The following OSBPL6 variants were observed in gnomAD, a reference collection of about 807,000 sequenced individuals.
OSBPL6 encodes oxysterol-binding protein-related protein 6.
In OSBPL6, 49 loss-of-function variants were observed where a neutral mutation model predicts 125.8. The ratio of observed to expected loss-of-function variants is 0.39; its 90% CI spans 0.31 to 0.49. OSBPL6 has a LOEUF of 0.49. OSBPL6 is among the 20% of genes least tolerant of loss of function. The probability of loss-of-function intolerance (pLI) is 0.88; values close to 1 mark genes in which losing one functional copy is unlikely to be tolerated. For missense variants in OSBPL6, 986 were observed against 1,135.4 expected (o/e 0.87, Z 1.89); for synonymous variants, 394 against 391.8 (o/e 1.01, Z -0.07).
At chr2:178,226,694 C>G (rs894897390) in intron 1 of OSBPL6, among the ~76,000 whole-genome samples, 1 of 152,090 alleles carries the variant, frequency 6.6e-6, no homozygotes, top group East Asian at 1.9e-4. Flanking sequence ...CTGCTTCATA[C>G]TATATACAAA....
rs540269327 is a variant in OSBPL6, at chr2:178,235,398, C to CTTTTTTTTTT, written c.-351+40741_-351+40750dup. Among the ~76,000 whole-genome samples, 593 of 78,022 alleles carry CTTTTTTTTTT rather than the reference C, an allele frequency of 7.6e-3. 10 individuals are homozygous for CTTTTTTTTTT. The highest frequency in any genetic ancestry group is 0.012 in the Non-Finnish European group (479 of 40,888). The allele number at this position is 78,022 out of a possible 152,430, so 51.2% of individuals were successfully genotyped here. On this transcript the variant is annotated intron_variant, in intron 1 of 24. Transcript: ENST00000190611. ...CTTTCTTTCCTTTTTCTTTTCTTTTCTTTTTTTTTTTTTTTTTTTTTTTTT... is the reference window on the plus strand; with the variant it reads ...CTTTCTTTCCTTTTTCTTTTCTTTTCTTTTTTTTTTTTTTTTTTTTTTTTTTTTTTTTTTT...
chr2:178,372,375 T>C (rs575966591), intron 14 of OSBPL6, 142 bp downstream of exon 14: 3 of 567,608 alleles, frequency 5.3e-6, no homozygotes, highest in East Asian at 6.1e-5. Flanking sequence ...AGTTCAGTGT[T>C]CTTTGAAGTA....
At chr2:178,380,744 A>G (rs1694396982) in intron 15 of OSBPL6, among the ~76,000 whole-genome samples, 1 of 152,186 alleles carries the variant, frequency 6.6e-6, no homozygotes, top group African/African-American at 2.4e-5. Context: ...ATTGTCTATA[A>G]TAATAAAATG....
intron 1 of OSBPL6, among the ~76,000 whole-genome samples, chr2:178,242,246 T>C (rs2091321165): frequency 6.6e-6 from 1 of 152,336 alleles, no homozygotes; most frequent in South Asian, 2.1e-4. Context: ...GCCTTTTATT[T>C]TTCCCCCTTA....
intron 1 of OSBPL6, among the ~76,000 whole-genome samples, chr2:178,205,320 G>A (rs186874226): frequency 3.0e-4 from 46 of 152,242 alleles, no homozygotes; most frequent in Admixed American, 3.3e-4. Flanking sequence ...AAGCTTCAGC[G>A]GCCTTCAGTT....
intron 11 of OSBPL6, chr2:178,344,136 C>T (rs967220694): frequency 2.5e-5 from 16 of 633,424 alleles, no homozygotes; most frequent in South Asian, 2.0e-4. Context: ...CATGAACTCC[C>T]CTGTGAGCGC....
At chr2:178,341,055 C>T (rs1194502465) in intron 11 of OSBPL6, among the ~76,000 whole-genome samples, 2 of 152,108 alleles carry the variant, frequency 1.3e-5, no homozygotes, top group African/African-American at 4.8e-5. Flanking sequence ...TTGCTTTTGG[C>T]AGTTTTATTG....
At chr2:178,285,528 T>A (rs191115223) in intron 2 of OSBPL6, among the ~76,000 whole-genome samples, 3 of 152,308 alleles carry the variant, frequency 2.0e-5, no homozygotes, top group Admixed American at 2.0e-4. Flanking sequence ...ATGCATCCAG[T>A]TTTTATAATC....
At chr2:178,216,406 T>C (rs2090094828) in intron 1 of OSBPL6, among the ~76,000 whole-genome samples, 1 of 152,178 alleles carries the variant, frequency 6.6e-6, no homozygotes, top group South Asian at 2.1e-4. Flanking sequence ...CTGGGAAAAC[T>C]AGAGTGTCAA....
intron 1 of OSBPL6, among the ~76,000 whole-genome samples, chr2:178,222,893 A>T (rs1450086629): frequency 2.0e-5 from 3 of 152,172 alleles, no homozygotes; most frequent in Non-Finnish European, 4.4e-5. Context: ...TAAATCATTT[A>T]TTATATTTAT....
chr2:178,375,473 A>C (rs558501380), intron 15 of OSBPL6, among the ~76,000 whole-genome samples: 3 of 151,890 alleles, frequency 2.0e-5, no homozygotes, highest in African/African-American at 4.8e-5. Flanking sequence ...CCCGGGCTGG[A>C]GGGCAGTGGC....
chr2:178,297,024 G>T (rs181576200), intron 2 of OSBPL6, among the ~76,000 whole-genome samples: 234 of 152,266 alleles, frequency 1.5e-3, no homozygotes, highest in African/African-American at 5.4e-3. Flanking sequence ...TAAATCAGGT[G>T]CCAGGTGCCA....
At chr2:178,324,426 T>C (rs1245421487) in intron 4 of OSBPL6, among the ~76,000 whole-genome samples, 157 bp downstream of exon 4, 1 of 152,234 alleles carries the variant, frequency 6.6e-6, no homozygotes, top group African/African-American at 2.4e-5. Context: ...GAGTAGAGTT[T>C]CTCTGCCCTT....
At chr2:178,214,502 T>G (rs1200317094) in intron 1 of OSBPL6, among the ~76,000 whole-genome samples, 1 of 152,216 alleles carries the variant, frequency 6.6e-6, no homozygotes, top group African/African-American at 2.4e-5. Flanking sequence ...ACTGGAATTC[T>G]CTGGCACAGG....
intron 1 of OSBPL6, among the ~76,000 whole-genome samples, chr2:178,280,066 C>T (rs370622681): frequency 2.6e-5 from 4 of 152,088 alleles, no homozygotes; most frequent in East Asian, 3.9e-4. Flanking sequence ...GGCATGGTGG[C>T]GCACACCTGT....
intron 13 of OSBPL6, among the ~76,000 whole-genome samples, chr2:178,362,069 A>G (rs964076686): frequency 6.6e-6 from 1 of 152,206 alleles, no homozygotes; most frequent in African/African-American, 2.4e-5. Context: ...TGAACACTTA[A>G]TGCTTCTCTA....
intron 1 of OSBPL6, among the ~76,000 whole-genome samples, chr2:178,240,534 C>G (rs1459382529): frequency 3.3e-5 from 5 of 152,128 alleles, no homozygotes; most frequent in African/African-American, 9.7e-5. Flanking sequence ...TGCCGCTGCA[C>G]TGCATTCTGG....
chr2:178,211,207 C>G (rs1252184892), intron 1 of OSBPL6, among the ~76,000 whole-genome samples: 1 of 152,146 alleles, frequency 6.6e-6, no homozygotes. Flanking sequence ...GAGTTTGAGG[C>G]TGCAGTTAGC....
chr2:178,339,739 G>C lies in OSBPL6; in HGVS notation c.962G>C (p.Ser321Thr). The C allele has an allele frequency of 6.2e-7, 1 of 1,604,094 alleles. No homozygotes were observed. Among genetic ancestry groups the C allele is most frequent in the South Asian group, 1.1e-5 (1 of 89,204 alleles). Reference sequence around the variant, plus strand: ...AGACGATGGAGAACAAAAAGTGTCAGCAAAGATACAAAAATACAACTGCAG... The same window carrying C: ...AGACGATGGAGAACAAAAAGTGTCACCAAAGATACAAAAATACAACTGCAG... ...VTRRWRTKSV[S>T]KDTKIQLQVP... The change falls in exon 11 of 25, where the codon AGC (serine) becomes ACC (threonine). Residue 321 changes from serine (S) to threonine (T), a missense_variant. Ser to Thr is a moderately conservative substitution (Grantham distance 58). Transcript: ENST00000190611.
Sources: allele counts gnomAD v4.1 joint callset (sites outside exome capture counted in the v4.1 genomes callset), GRCh38; gene constraint gnomAD v4.1.1; transcripts MANE v1.5; gene names NCBI Gene and HGNC (gene_info 2026-07-23, HGNC 2026-07-21).